Variants in SLC25A15 observed in about 807,000 individuals in gnomAD.
SLC25A15 encodes solute carrier family 25 member 15, also known as mitochondrial ornithine transporter 1.
In SLC25A15, 24 loss-of-function variants were observed where a neutral mutation model predicts 32.3. The ratio of observed to expected loss-of-function variants is 0.74; its 90% CI spans 0.54 to 1.04. SLC25A15 has a LOEUF of 1.04. SLC25A15 is among the 50% of genes least tolerant of loss of function. The probability of loss-of-function intolerance (pLI) is 0.00; values close to 1 mark genes in which losing one functional copy is unlikely to be tolerated. For synonymous variants in SLC25A15, 132 were observed against 142.1 expected (o/e 0.93, Z 0.51); for missense variants, 317 against 374.5 (o/e 0.85, Z 1.27).
chr13:40,794,069 A>G (rs1354031200), intron 2 of SLC25A15, among the ~76,000 whole-genome samples: 1 of 152,240 alleles, frequency 6.6e-6, no homozygotes, highest in African/African-American at 2.4e-5. Flanking sequence ...GGCTGGGCGC[A>G]GTGGCTCACG....
intron 3 of SLC25A15, among the ~76,000 whole-genome samples, chr13:40,800,681 T>C (rs1252266855): frequency 1.3e-5 from 2 of 152,206 alleles, no homozygotes; most frequent in East Asian, 1.9e-4. Context: ...GTGAAACCAC[T>C]GGATCTGGCT....
intron 4 of SLC25A15, 139 bp downstream of exon 4, chr13:40,805,394 C>T (rs752927270): frequency 4.8e-5 from 50 of 1,035,004 alleles, no homozygotes; most frequent in Middle Eastern, 4.5e-4. Flanking sequence ...AATGCTTTCC[C>T]CTATCAGAGA....
intron 3 of SLC25A15, among the ~76,000 whole-genome samples, chr13:40,801,723 A>G (rs1238782054): frequency 6.6e-6 from 1 of 152,246 alleles, no homozygotes; most frequent in Admixed American, 6.5e-5. Context: ...AACATGACCC[A>G]GAATGTTCTA....
chr13:40,804,604 C>A (rs1593293764), intron 3 of SLC25A15, among the ~76,000 whole-genome samples: 1 of 150,158 alleles, frequency 6.7e-6, no homozygotes, highest in Non-Finnish European at 1.5e-5. Context: ...TACAGTGGCA[C>A]AATCTCAGGT....
At chr13:40,801,707 G>A (rs1013033100) in intron 3 of SLC25A15, among the ~76,000 whole-genome samples, 2 of 152,144 alleles carry the variant, frequency 1.3e-5, no homozygotes, top group African/African-American at 2.4e-5. Flanking sequence ...GTCTGTTCCC[G>A]GTTTCAACAT....
rs772360054 is a variant in SLC25A15, at chr13:40,805,291, T to C, written c.452+36T>C. 9 of 1,613,100 alleles carry C rather than the reference T, an allele frequency of 5.6e-6. No homozygotes were observed. In the Admixed American group the frequency reaches 1.0e-4, roughly 18 times the overall value. ...CTTGGGCACAAACGTCAGGTCTCTA[T>C]TGCCCTAGTGTATTGGATGATTTTT... is the stretch of plus-strand genomic sequence containing the variant. On this transcript the variant is annotated intron_variant, in intron 4 of 6. Coordinates refer to ENST00000338625, the MANE Select transcript of SLC25A15 (RefSeq NM_014252.4).
chr13:40,804,308 C>G (rs1273854882), intron 3 of SLC25A15, among the ~76,000 whole-genome samples: 1 of 152,168 alleles, frequency 6.6e-6, no homozygotes, highest in Non-Finnish European at 1.5e-5. Context: ...ACACCATCAC[C>G]TTGGGGGGAT....
chr13:40,805,056 G>C (rs1882111351), intron 3 of SLC25A15, 62 bp from the exon 4 acceptor site: 1 of 1,603,658 alleles, frequency 6.2e-7, no homozygotes, highest in African/African-American at 1.3e-5. Context: ...AGTGCTGTCT[G>C]TGTGGTGAGT....
At position 40,809,823 on chromosome 13, in the gene SLC25A15, G is replaced by T. The variant is rs1882372621; in HGVS notation, c.*156G>T. The T allele has an allele frequency of 1.4e-6, 1 of 718,526 alleles. No individual in the cohort carries two copies. The allele number at this position is 718,526 out of a possible 1,614,324, so 44.5% of individuals were successfully genotyped here. A position where few individuals can be genotyped will look rare whatever the true frequency, so the allele number is the denominator to read the frequency against. ...ACCCTACATCTTAAACTTTATGGAA[G>T]AACCTCTATTTTGCATCATATCATT... On this transcript the variant is annotated 3_prime_UTR_variant, in exon 7 of 7. Transcript: ENST00000338625.
At position 40,789,667 on chromosome 13, in the gene SLC25A15, A is replaced by G. The variant is rs1881411971; in HGVS notation, c.-70+4A>G. 1 of 151,140 alleles carries G rather than the reference A, an allele frequency of 6.6e-6. No individual in the cohort carries two copies. Among genetic ancestry groups the G allele is most frequent in the Non-Finnish European group, 1.5e-5 (1 of 67,682 alleles). 9.4% of individuals were successfully genotyped at this position (151,140 alleles called of 1,614,324 possible). ...ACGCGGCCACGCCGGCGCGGCGGTG[A>G]GCGCAGCCCGGTCTGGCGCCTGCAG... is the stretch of plus-strand genomic sequence containing the variant. On this transcript the variant is annotated splice_donor_region_variant and intron_variant, in intron 1 of 6. Transcript: ENST00000338625.
At chr13:40,800,361 C>T (rs780401569) in intron 3 of SLC25A15, among the ~76,000 whole-genome samples, 8 of 152,084 alleles carry the variant, frequency 5.3e-5, no homozygotes, top group Non-Finnish European at 1.0e-4. Flanking sequence ...GAGCCTCCAG[C>T]ACAGAAAGGG....
rs1465952125 is a variant in SLC25A15 at position 40,811,674 on chromosome 13, G to A, written c.*2007G>A. Among the ~76,000 whole-genome samples the A allele has an allele frequency of 1.3e-5, 2 of 152,144 alleles. No individual in the cohort carries two copies. Among genetic ancestry groups the A allele is most frequent in the African/African-American group, 2.4e-5 (1 of 41,426 alleles). On this transcript the variant is annotated 3_prime_UTR_variant, in exon 7 of 7. Transcript: ENST00000338625. The stretch of plus-strand genomic sequence containing the variant: ...ATCATTCTTGTCACTACTTAAGTTA[G>A]CCTCATCATTTTGTGCTGCTCCAAC...
chr13:40,794,599 G>A (rs1254309609), intron 2 of SLC25A15, among the ~76,000 whole-genome samples: 2 of 152,174 alleles, frequency 1.3e-5, no homozygotes, highest in African/African-American at 2.4e-5. Flanking sequence ...GAAACAGGGC[G>A]GAATGGGAAG....
In SLC25A15 at chr13:40,793,124, C is replaced by T. The variant is rs548145452; in HGVS notation, c.-69-34C>T. On this transcript the variant is annotated intron_variant, in intron 1 of 6. Transcript: ENST00000338625. ...GGCCTAGAGAACAGGATGCTGCAGA[C>T]TTGGACTAATGGTGAACTCTTGCCT... 9.2e-5 allele frequency: 108 copies of T among 1,179,860 alleles called. 1 individual carries two copies. The East Asian group carries it at 2.5e-3, about 28-fold the overall frequency. The allele number at this position is 1,179,860 out of a possible 1,614,324, so 73.1% of individuals were successfully genotyped here.
rs1333223166 is a variant in SLC25A15, at chr13:40,811,677, T to G, written c.*2010T>G. ...ATTCTTGTCACTACTTAAGTTAGCC[T>G]CATCATTTTGTGCTGCTCCAACACC... On this transcript the variant is annotated 3_prime_UTR_variant, in exon 7 of 7. Transcript: ENST00000338625. 6.6e-6 allele frequency among the ~76,000 whole-genome samples: 1 copy of G among 152,186 alleles called. No homozygotes were observed. Among genetic ancestry groups the G allele is most frequent in the African/African-American group, 2.4e-5 (1 of 41,440 alleles).
chr13:40,799,346 G>C, intron 3 of SLC25A15, 31 bp downstream of exon 3: 1 of 1,613,698 alleles, frequency 6.2e-7, no homozygotes, highest in Non-Finnish European at 8.5e-7. Flanking sequence ...TTTTTTATTT[G>C]TTTAAAAAAA....
At chr13:40,792,574 A>G (rs2138038970) in intron 1 of SLC25A15, among the ~76,000 whole-genome samples, 1 of 152,282 alleles carries the variant, frequency 6.6e-6, no homozygotes, top group Non-Finnish European at 1.5e-5. Flanking sequence ...TGATGTGGCT[A>G]TTTGTGACTG....
chr13:40,801,708 G>A (rs1024367444), intron 3 of SLC25A15, among the ~76,000 whole-genome samples: 5 of 152,224 alleles, frequency 3.3e-5, no homozygotes, highest in Admixed American at 1.3e-4. Flanking sequence ...TCTGTTCCCG[G>A]TTTCAACATG....
At position 40,809,628 on chromosome 13, in the gene SLC25A15, T is replaced by G; in HGVS notation, c.867T>G (p.Tyr289Ter). Reference protein sequence around the residue: ...ANGALFLAYEYSRKLMMNQLE... With the variant: ...ANGALFLAYE ...GAGCACTCTTTTTGGCCTACGAATATAGCAGGAAGTTGATGATGAACCAGT... is the reference window on the plus strand; with the variant it reads ...GAGCACTCTTTTTGGCCTACGAATAGAGCAGGAAGTTGATGATGAACCAGT... Residue 289 changes from tyrosine to a stop codon, truncating the protein, a stop_gained, in exon 7 of 7, where the codon TAT becomes TAG. Transcript: ENST00000338625. LOFTEE classifies it high-confidence loss of function. The G allele has an allele frequency of 6.2e-7, 1 of 1,612,972 alleles. No homozygotes were observed. The highest frequency in any genetic ancestry group is 1.7e-5 in the Admixed American group (1 of 60,016).
Sources: gnomAD v4.1 joint callset for allele counts (sites outside exome capture counted in the v4.1 genomes callset) on GRCh38, gnomAD v4.1.1 for gene constraint, MANE v1.5 for transcripts, NCBI Gene and HGNC (gene_info 2026-07-23, HGNC 2026-07-21) for gene names.